The following KDM4C variants were observed in gnomAD, a reference collection of about 807,000 sequenced individuals.
KDM4C encodes the protein lysine demethylase 4C, also known as lysine-specific demethylase 4C.
Under a neutral mutation model 129.3 loss-of-function variants are expected in KDM4C, and 81 were observed. The ratio of observed to expected loss-of-function variants is 0.63; its 90% CI spans 0.52 to 0.75. The LOEUF (loss-of-function observed/expected upper bound fraction) is 0.75, where lower values mean the gene tolerates loss of function less well. Among genes scored for constraint, KDM4C ranks in the 30% least tolerant of loss-of-function variants. KDM4C has a pLI of 0.00. For synonymous variants in KDM4C, 573 were observed against 456.1 expected (o/e 1.26, Z -3.26); for missense variants, 1,457 against 1,304.0 (o/e 1.12, Z -1.81).
At chr9:6,759,473 C>T (rs1818951162) in intron 1 of KDM4C, among the ~76,000 whole-genome samples, 1 of 152,154 alleles carries the variant, frequency 6.6e-6, no homozygotes, top group Non-Finnish European at 1.5e-5. Flanking sequence ...GCAACCCGCC[C>T]ATAGTTTGTT....
chr9:7,046,894 T>C lies in KDM4C; in HGVS notation c.2292T>C (p.Ala764=). 6.2e-7 allele frequency: 1 copy of C among 1,606,408 alleles called. No homozygotes were observed. Among genetic ancestry groups the C allele is most frequent in the Non-Finnish European group, 8.5e-7 (1 of 1,173,460 alleles). The change falls in exon 16 of 22, where the codon GCT becomes GCC. Residue 764 remains alanine, a synonymous_variant. Transcript: ENST00000381309. ...GTCTCTGCAATTTGAGAGGAGGTGCTCTTAAGCAAACGAAGAACAATAAGT... is the reference window on the plus strand; with the variant it reads ...GTCTCTGCAATTTGAGAGGAGGTGCCCTTAAGCAAACGAAGAACAATAAGT... ...ECCLCNLRGG[A]LKQTKNNKWA...
chr9:6,828,153 T>C (rs1834185887), intron 4 of KDM4C, among the ~76,000 whole-genome samples: 1 of 151,946 alleles, frequency 6.6e-6, no homozygotes, highest in Non-Finnish European at 1.5e-5. Flanking sequence ...GGAATAAGTT[T>C]CTTTTTTTTT....
At chr9:6,836,505 A>G (rs1376246300) in intron 4 of KDM4C, among the ~76,000 whole-genome samples, 1 of 152,226 alleles carries the variant, frequency 6.6e-6, no homozygotes, top group Non-Finnish European at 1.5e-5. Flanking sequence ...TACAACATTA[A>G]CAGCACTGCT....
At chr9:7,148,094 C>A (rs1382467574) in intron 19 of KDM4C, among the ~76,000 whole-genome samples, 2 of 152,204 alleles carry the variant, frequency 1.3e-5, no homozygotes, top group Non-Finnish European at 2.9e-5. Context: ...CTCCAGGTGC[C>A]GGCTCCATGT....
chr9:6,748,089 C>T (rs1483312573), intron 1 of KDM4C, among the ~76,000 whole-genome samples: 1 of 151,636 alleles, frequency 6.6e-6, no homozygotes, highest in Middle Eastern at 3.2e-3. Context: ...TCACCTTAAT[C>T]CGGGAGGCAG....
rs144948004 is a variant in KDM4C at position 6,970,562 on chromosome 9, C to A, written c.922-10363C>A. On this transcript the variant is annotated intron_variant, in intron 8 of 21. Transcript: ENST00000381309. ...ATTTCATAGAGAGGGGAAATTAGAGCTTGTGGTGGCATAGGCTTCATGATT... is the reference window on the plus strand; with the variant it reads ...ATTTCATAGAGAGGGGAAATTAGAGATTGTGGTGGCATAGGCTTCATGATT... Among the ~76,000 whole-genome samples the A allele has an allele frequency of 4.8e-3, 734 of 152,214 alleles. 7 individuals carry two copies. The highest frequency in any genetic ancestry group is 0.017 in the Middle Eastern group (5 of 294).
rs1360585147 is a variant in KDM4C, at chr9:7,174,886, T to C, written c.*157T>C. 3 of 586,708 alleles carry C rather than the reference T, an allele frequency of 5.1e-6. No homozygotes were observed. The highest frequency in any genetic ancestry group is 3.7e-5 in the African/African-American group (2 of 54,790). The allele number at this position is 586,708 out of a possible 1,614,324, so 36.3% of individuals were successfully genotyped here. A position where few individuals can be genotyped will look rare whatever the true frequency, so the allele number is the denominator to read the frequency against. On this transcript the variant is annotated 3_prime_UTR_variant, in exon 22 of 22. Coordinates refer to ENST00000381309, the MANE Select transcript of KDM4C (RefSeq NM_015061.6). ...GTTTCCAGAGTTTGGTCACCAAAAA[T>C]ACAAAATACACCCAATGAATTGGAC...
chr9:6,773,209 C>T (rs1316398330), intron 1 of KDM4C, among the ~76,000 whole-genome samples: 17 of 151,630 alleles, frequency 1.1e-4, no homozygotes. Context: ...CCTATATTGC[C>T]CAGCCTTATC....
At chr9:6,799,534 T>C (rs552748879) in intron 2 of KDM4C, among the ~76,000 whole-genome samples, 1 of 149,740 alleles carries the variant, frequency 6.7e-6, no homozygotes, top group Non-Finnish European at 1.5e-5. Context: ...AACTTCGGCT[T>C]GGCATGAGAG....
intron 12 of KDM4C, 75 bp from the exon 13 acceptor site, chr9:7,011,623 T>G (rs557747792): frequency 7.6e-7 from 1 of 1,323,720 alleles, no homozygotes; most frequent in East Asian, 2.3e-5. Flanking sequence ...GTGGAATGTT[T>G]ATTTCTTTTG....
intron 5 of KDM4C, among the ~76,000 whole-genome samples, chr9:6,867,374 C>G (rs566607067): frequency 6.6e-6 from 1 of 152,166 alleles, no homozygotes; most frequent in Non-Finnish European, 1.5e-5. Flanking sequence ...ATCCAGCTTG[C>G]TTCTATAGCA....
At chr9:6,898,749 C>A (rs971266013) in intron 8 of KDM4C, among the ~76,000 whole-genome samples, 10 of 152,140 alleles carry the variant, frequency 6.6e-5, no homozygotes, top group African/African-American at 2.2e-4. Flanking sequence ...TATTTCAATT[C>A]TCTAAAATTA....
chr9:6,848,393 G>T (rs1838229921), intron 4 of KDM4C, among the ~76,000 whole-genome samples: 1 of 152,192 alleles, frequency 6.6e-6, no homozygotes, highest in Non-Finnish European at 1.5e-5. Flanking sequence ...TTGGCCGGGT[G>T]TGGTGGCTCA....
chr9:6,997,071 C>T (rs1204311056), intron 12 of KDM4C, among the ~76,000 whole-genome samples: 25 of 152,188 alleles, frequency 1.6e-4, no homozygotes. Context: ...TGTGTGATGC[C>T]TCGGTGCCTG....
chr9:7,130,873 C>T (rs1286722335), intron 19 of KDM4C, among the ~76,000 whole-genome samples: 2 of 151,898 alleles, frequency 1.3e-5, no homozygotes, highest in East Asian at 1.9e-4. Flanking sequence ...ATCCTCTCGC[C>T]TCAGCCTCTT....
At chr9:7,149,163 A>G (rs981473941) in intron 19 of KDM4C, among the ~76,000 whole-genome samples, 1 of 152,134 alleles carries the variant, frequency 6.6e-6, no homozygotes, top group African/African-American at 2.4e-5. Context: ...TCAGCACCCA[A>G]AATGTCAGCC....
At chr9:7,156,533 G>C (rs1017245060) in intron 19 of KDM4C, among the ~76,000 whole-genome samples, 1 of 152,142 alleles carries the variant, frequency 6.6e-6, no homozygotes, top group Non-Finnish European at 1.5e-5. Context: ...TTTTATATAA[G>C]GTGTAAGGAA....
chr9:6,744,589 G>A (rs560669820), intron 1 of KDM4C, among the ~76,000 whole-genome samples: 1 of 152,048 alleles, frequency 6.6e-6, no homozygotes, highest in African/African-American at 2.4e-5. Flanking sequence ...TAGAGACAGG[G>A]TCTACTATGT....
At chr9:6,796,279 T>C (rs560998903) in intron 2 of KDM4C, among the ~76,000 whole-genome samples, 69 of 152,272 alleles carry the variant, frequency 4.5e-4, no homozygotes, top group African/African-American at 1.5e-3. Context: ...ACCCCATCTC[T>C]ACCAAAAATA....
Sources: allele counts gnomAD v4.1 joint callset (sites outside exome capture counted in the v4.1 genomes callset), GRCh38; gene constraint gnomAD v4.1.1; transcripts MANE v1.5; gene names NCBI Gene and HGNC (gene_info 2026-07-23, HGNC 2026-07-21).